Variants in THSD7B observed in about 807,000 individuals in gnomAD.
The protein encoded by THSD7B is thrombospondin type 1 domain containing 7B.
In THSD7B, 138 loss-of-function variants were observed where a neutral mutation model predicts 213.6. The observed-to-expected ratio is 0.65, with a 90% CI of 0.56 to 0.74. The LOEUF is 0.74. Among genes scored for constraint, THSD7B ranks in the 30% least tolerant of loss-of-function variants. THSD7B has a pLI of 0.00. For synonymous variants in THSD7B, 742 were observed against 687.0 expected (o/e 1.08, Z -1.25); for missense variants, 1,931 against 1,991.5 (o/e 0.97, Z 0.58).
At chr2:137,032,688 A>T (rs1371031610) in intron 2 of THSD7B, among the ~76,000 whole-genome samples, 1 of 152,236 alleles carries the variant, frequency 6.6e-6, no homozygotes, top group Non-Finnish European at 1.5e-5. Flanking sequence ...CTCCTCTATC[A>T]CATAACTGTA....
intron 14 of THSD7B, among the ~76,000 whole-genome samples, chr2:137,444,520 A>G (rs547313146): frequency 7.2e-5 from 11 of 151,988 alleles, no homozygotes; most frequent in Non-Finnish European, 1.5e-4. Flanking sequence ...TAGAAAAACA[A>G]TTATATTCTC....
chr2:137,024,622 T>C (rs1430372880), intron 2 of THSD7B, among the ~76,000 whole-genome samples: 2 of 152,098 alleles, frequency 1.3e-5, no homozygotes, highest in African/African-American at 4.8e-5. Flanking sequence ...TAGCAACATA[T>C]ATTAGCATAC....
chr2:137,388,972 A>C (rs1685955092), intron 12 of THSD7B, among the ~76,000 whole-genome samples: 1 of 151,952 alleles, frequency 6.6e-6, no homozygotes, highest in Admixed American at 6.6e-5. Context: ...GCTGCAATAA[A>C]CATGGGGGCT....
intron 2 of THSD7B, among the ~76,000 whole-genome samples, chr2:137,035,080 A>G (rs778552390): frequency 5.3e-5 from 8 of 152,206 alleles, no homozygotes; most frequent in Non-Finnish European, 1.2e-4. Flanking sequence ...GTCTAGGAAG[A>G]ATGAGCTCCA....
chr2:137,090,953 T>A (rs1687938112), intron 3 of THSD7B, among the ~76,000 whole-genome samples: 2 of 152,242 alleles, frequency 1.3e-5, no homozygotes, highest in Admixed American at 6.5e-5. Flanking sequence ...CACCATCTAA[T>A]GCTCCTTTTA....
At chr2:136,923,918 T>C (rs1302778350) in intron 2 of THSD7B, among the ~76,000 whole-genome samples, 1 of 152,236 alleles carries the variant, frequency 6.6e-6, no homozygotes, top group Non-Finnish European at 1.5e-5. Flanking sequence ...TTTCACTCTG[T>C]TGATTGCATC....
intron 1 of THSD7B, among the ~76,000 whole-genome samples, chr2:136,790,796 G>A (rs188001143): frequency 2.6e-5 from 4 of 152,154 alleles, no homozygotes; most frequent in Admixed American, 2.0e-4. Context: ...GACCAAGGAC[G>A]CTACAAACTG....
intron 3 of THSD7B, among the ~76,000 whole-genome samples, chr2:137,074,760 A>G (rs1687580851): frequency 6.6e-6 from 1 of 151,844 alleles, no homozygotes; most frequent in Non-Finnish European, 1.5e-5. Flanking sequence ...TTCCTTCAGG[A>G]GCTCTTTTAG....
At chr2:137,314,309 G>T (rs902117582) in intron 12 of THSD7B, among the ~76,000 whole-genome samples, 1 of 152,094 alleles carries the variant, frequency 6.6e-6, no homozygotes, top group African/African-American at 2.4e-5. Flanking sequence ...CGGCTCCTGA[G>T]GCTTCTGCAT....
At chr2:137,332,995 C>G (rs1271335919) in intron 12 of THSD7B, among the ~76,000 whole-genome samples, 2 of 152,150 alleles carry the variant, frequency 1.3e-5, no homozygotes, top group Non-Finnish European at 2.9e-5. Flanking sequence ...CAGTGAGCAA[C>G]AGAATGAGTT....
At chr2:136,842,014 G>A (rs889948224) in intron 1 of THSD7B, among the ~76,000 whole-genome samples, 6 of 152,206 alleles carry the variant, frequency 3.9e-5, no homozygotes, top group African/African-American at 1.2e-4. Context: ...AAGCAGATGT[G>A]TATGGAATGT....
At chr2:137,226,017 T>C (rs1681490272) in intron 7 of THSD7B, among the ~76,000 whole-genome samples, 1 of 151,790 alleles carries the variant, frequency 6.6e-6, no homozygotes, top group Non-Finnish European at 1.5e-5. Context: ...ATTTAGATTT[T>C]AAAAATGGAA....
chr2:137,180,362 C>T (rs1005715177), intron 7 of THSD7B, among the ~76,000 whole-genome samples: 1 of 152,070 alleles, frequency 6.6e-6, no homozygotes, highest in Non-Finnish European at 1.5e-5. Flanking sequence ...ATAGACTGCT[C>T]ATCGTTTGTG....
intron 1 of THSD7B, among the ~76,000 whole-genome samples, chr2:136,871,113 G>A (rs928215183): frequency 6.6e-6 from 1 of 152,190 alleles, no homozygotes; most frequent in African/African-American, 2.4e-5. Flanking sequence ...GTCTGGTGAA[G>A]TGTGACACTG....
At chr2:137,614,498 CA>C in intron 17 of THSD7B, among the ~76,000 whole-genome samples, 1 of 152,052 alleles carries the variant, frequency 6.6e-6, no homozygotes, top group African/African-American at 2.4e-5. Flanking sequence ...TGTAGGAAAG[CA>C]CTAATCAGGA....
At chr2:137,245,380 G>A (rs1682003588) in intron 10 of THSD7B, among the ~76,000 whole-genome samples, 2 of 152,152 alleles carry the variant, frequency 1.3e-5, no homozygotes, top group Non-Finnish European at 2.9e-5. Context: ...AGTAGGCACT[G>A]GGCAAGTGTT....
At chr2:137,584,236 G>C (rs916452032) in intron 17 of THSD7B, among the ~76,000 whole-genome samples, 2 of 152,124 alleles carry the variant, frequency 1.3e-5, no homozygotes, top group African/African-American at 4.8e-5. Context: ...AGGAGATTTT[G>C]GGTTGAGATG....
At chr2:137,443,826 A>T (rs951255996) in intron 14 of THSD7B, among the ~76,000 whole-genome samples, 1 of 152,116 alleles carries the variant, frequency 6.6e-6, no homozygotes, top group East Asian at 1.9e-4. Context: ...ATATAATTTA[A>T]TAAGTTTTTG....
intron 11 of THSD7B, among the ~76,000 whole-genome samples, chr2:137,272,901 G>A (rs1682779658): frequency 6.6e-6 from 1 of 151,920 alleles, no homozygotes; most frequent in Admixed American, 6.6e-5. Context: ...TGAGCTGCTT[G>A]ACTTATGCCA....
Sources: allele counts gnomAD v4.1 joint callset (sites outside exome capture counted in the v4.1 genomes callset), GRCh38; gene constraint gnomAD v4.1.1; transcripts MANE v1.5; gene names NCBI Gene and HGNC (gene_info 2026-07-23, HGNC 2026-07-21).